DOCK9: variants seen among roughly 807,000 people sequenced by gnomAD.
DOCK9 encodes dedicator of cytokinesis protein 9.
In DOCK9, 89 loss-of-function variants were observed where a neutral mutation model predicts 263.3. That is an observed-to-expected ratio of 0.34 (90% CI 0.28 to 0.40). The LOEUF (loss-of-function observed/expected upper bound fraction) is 0.40, where lower values mean the gene tolerates loss of function less well. DOCK9 is among the 10% of genes least tolerant of loss of function. DOCK9 has a pLI of 1.00. For missense variants in DOCK9, 2,140 were observed against 2,603.4 expected (o/e 0.82, Z 3.87); for synonymous variants, 976 against 973.1 (o/e 1.00, Z -0.06).
intron 37 of DOCK9, among the ~76,000 whole-genome samples, chr13:98,848,355 C>A (rs990608963): frequency 1.3e-5 from 2 of 152,016 alleles, no homozygotes; most frequent in African/African-American, 4.8e-5. Flanking sequence ...TAGACACAGC[C>A]CGCTAAAGGA....
At chr13:99,070,014 A>C (rs2041598386) in intron 1 of DOCK9, among the ~76,000 whole-genome samples, 3 of 152,184 alleles carry the variant, frequency 2.0e-5, no homozygotes, top group Non-Finnish European at 2.9e-5. Flanking sequence ...CCAAAGATAG[A>C]CTTTTTTTTT....
intron 30 of DOCK9, among the ~76,000 whole-genome samples, chr13:98,864,738 T>C (rs2093970923): frequency 6.6e-6 from 1 of 152,168 alleles, no homozygotes; most frequent in South Asian, 2.1e-4. Context: ...CTGAATCTCA[T>C]GTTGAAATGT....
upstream of DOCK9, among the ~76,000 whole-genome samples, chr13:98,978,890 T>C (rs965276901): frequency 6.6e-6 from 1 of 152,198 alleles, no homozygotes; most frequent in Admixed American, 6.5e-5. Context: ...CCAAAATATG[T>C]GTTCCTAAAA....
In DOCK9 at chr13:98,863,082, C is replaced by T. The variant is rs759420848; in HGVS notation, c.3516G>A (p.Leu1172=). Residue 1172 remains leucine (L), a synonymous_variant, in exon 32 of 53, where the codon CTG becomes CTA. Transcript: ENST00000682017. ...ATLYLPLFGL[L]IENVQRINVR... ...CATTGATCCGCTGGACGTTTTCAATCAGCAGACCAAACAGAGGCAGGTAGA... is the reference window on the plus strand; with the variant it reads ...CATTGATCCGCTGGACGTTTTCAATTAGCAGACCAAACAGAGGCAGGTAGA... 5.6e-6 allele frequency: 9 copies of T among 1,611,770 alleles called. No homozygotes were observed. The East Asian group carries it at 1.8e-4, about 32-fold the overall frequency.
upstream of DOCK9, among the ~76,000 whole-genome samples, chr13:98,979,178 CAAT>C (rs1168898851): frequency 1.7e-5 from 2 of 117,208 alleles, no homozygotes; most frequent in African/African-American, 6.4e-5. Context: ...GTAGCAGCAG[CAAT>C]AGTAGTAGTA....
rs537284592 is a variant in DOCK9 at position 98,985,256 on chromosome 13, G to A, written c.130-29705C>T. 9.7e-4 allele frequency among the ~76,000 whole-genome samples: 148 copies of A among 152,268 alleles called. 2 individuals carry two copies. Among genetic ancestry groups the A allele is most frequent in the African/African-American group, 3.4e-3 (141 of 41,554 alleles). ...AGAGAAGGCTCTGTCTGCAGCCATG[G>A]AAGGTTTAAGAAGCTTCTCATTAAA... On this transcript the variant is annotated intron_variant, in intron 1 of 32. Coordinates refer to the DOCK9 transcript ENST00000427887.
intron 48 of DOCK9, 78 bp downstream of exon 48, chr13:98,807,583 A>G: frequency 3.1e-6 from 4 of 1,276,192 alleles, no homozygotes; most frequent in Non-Finnish European, 4.1e-6. Flanking sequence ...GTTTTTTTCT[A>G]TATACATTTA....
At chr13:98,998,863 G>A (rs1881643688) in intron 1 of DOCK9, among the ~76,000 whole-genome samples, 1 of 152,122 alleles carries the variant, frequency 6.6e-6, no homozygotes, top group Non-Finnish European at 1.5e-5. Flanking sequence ...CTTCCTAATG[G>A]TGTTTCACTT....
At position 98,865,086 on chromosome 13, in the gene DOCK9, G is replaced by A. The variant is rs181658838; in HGVS notation, c.3287-1538C>T. On this transcript the variant is annotated intron_variant, in intron 30 of 52. Transcript: ENST00000682017. The stretch of plus-strand genomic sequence containing the variant: ...CTTATTTTTTTTGAGAGAGGGTCTT[G>A]CTCTGTTGCTCAGGCTGGAGTGCCG... 2.6e-3 allele frequency among the ~76,000 whole-genome samples: 394 copies of A among 152,236 alleles called. 3 individuals carry two copies. Among genetic ancestry groups the A allele is most frequent in the Admixed American group, 5.6e-3 (85 of 15,302 alleles).
intron 1 of DOCK9, chr13:99,015,759 C>A (rs1595912869): frequency 1.1e-5 from 15 of 1,331,300 alleles, no homozygotes; most frequent in Non-Finnish European, 1.4e-5. Flanking sequence ...AGCTGCCGTA[C>A]TAGAATCCGC....
chr13:99,037,523 C>T (rs540404673), intron 1 of DOCK9, among the ~76,000 whole-genome samples: 11 of 152,092 alleles, frequency 7.2e-5, no homozygotes, highest in Admixed American at 2.0e-4. Context: ...AAATATAAAA[C>T]GATATAACTA....
chr13:98,800,016 AC>A (rs1438374155), intron 50 of DOCK9, among the ~76,000 whole-genome samples: 1 of 152,116 alleles, frequency 6.6e-6, no homozygotes, highest in African/African-American at 2.4e-5. Flanking sequence ...CTAATCAGGC[AC>A]CCAGAATTCC....
intron 1 of DOCK9, among the ~76,000 whole-genome samples, chr13:99,058,451 T>C (rs145409603): frequency 0.028 from 4,202 of 152,228 alleles, 95 homozygotes; most frequent in South Asian, 0.063. Flanking sequence ...CATGAGCCAC[T>C]GCACCTGGCC....
chr13:98,954,814 T>C (rs2057835431), intron 2 of DOCK9, among the ~76,000 whole-genome samples: 1 of 151,166 alleles, frequency 6.6e-6, no homozygotes, highest in African/African-American at 2.4e-5. Flanking sequence ...AGAAAGGCAC[T>C]TGTGCCCACT....
At chr13:99,021,800 C>T (rs911545219) in intron 1 of DOCK9, among the ~76,000 whole-genome samples, 2 of 151,850 alleles carry the variant, frequency 1.3e-5, no homozygotes, top group South Asian at 2.1e-4. Context: ...AGTTGAACAC[C>T]GGGGCCTGTC....
chr13:99,026,351 A>C (rs1886724087), intron 1 of DOCK9, among the ~76,000 whole-genome samples: 1 of 152,216 alleles, frequency 6.6e-6, no homozygotes, highest in African/African-American at 2.4e-5. Context: ...TCCAAAGTTG[A>C]ATTTCTCTTG....
intron 1 of DOCK9, among the ~76,000 whole-genome samples, chr13:98,957,605 C>G (rs2058198917): frequency 6.7e-6 from 1 of 149,668 alleles, no homozygotes; most frequent in African/African-American, 2.5e-5. Context: ...AAGAATTGCC[C>G]AGAAAATTTT....
At chr13:99,028,611 C>T (rs908503196) in intron 1 of DOCK9, among the ~76,000 whole-genome samples, 3 of 152,152 alleles carry the variant, frequency 2.0e-5, no homozygotes, top group Non-Finnish European at 2.9e-5. Flanking sequence ...ATTATTTATA[C>T]AAACATTGTT....
upstream of DOCK9, among the ~76,000 whole-genome samples, chr13:98,981,709 T>C (rs1877251192): frequency 6.6e-6 from 1 of 152,100 alleles, no homozygotes; most frequent in Non-Finnish European, 1.5e-5. Context: ...AACCAACACT[T>C]TTGGAATCTG....
Sources: allele counts gnomAD v4.1 joint callset (sites outside exome capture counted in the v4.1 genomes callset), GRCh38; gene constraint gnomAD v4.1.1; transcripts MANE v1.5; gene names NCBI Gene and HGNC (gene_info 2026-07-23, HGNC 2026-07-21).